Variants in DYNC2H1 observed in about 807,000 individuals in gnomAD.
DYNC2H1 encodes cytoplasmic dynein 2 heavy chain 1.
DYNC2H1 carries 410 observed loss-of-function variants against 570.0 expected under a neutral mutation model. The ratio of observed to expected loss-of-function variants is 0.72; its 90% CI spans 0.66 to 0.78. The LOEUF is 0.78. Ranked by LOEUF, DYNC2H1 falls within the 30% of genes least tolerant of loss-of-function variation. The pLI is 0.00. For missense variants in DYNC2H1, 4,865 were observed against 5,046.4 expected, an observed-to-expected ratio of 0.96 and a Z score of 1.09; for synonymous variants, 1,688 against 1,677.6, an observed-to-expected ratio of 1.01 and a Z score of -0.15.
intron 55 of DYNC2H1, among the ~76,000 whole-genome samples, chr11:103,219,386 G>A (rs192449508): frequency 6.6e-6 from 1 of 152,206 alleles, no homozygotes; most frequent in Non-Finnish European, 1.5e-5. Context: ...GGCTGAGGTG[G>A]GTGGGTCACA....
intron 82 of DYNC2H1, among the ~76,000 whole-genome samples, chr11:103,357,963 T>C (rs893480010): frequency 1.3e-5 from 2 of 152,022 alleles, no homozygotes. Flanking sequence ...AAAATCCAAA[T>C]AACAACAACA....
intron 85 of DYNC2H1, 46 bp from the exon 86 acceptor site, chr11:103,455,140 T>G: frequency 7.0e-7 from 1 of 1,427,374 alleles, no homozygotes; most frequent in Non-Finnish European, 9.8e-7. Flanking sequence ...TTTAATTGAC[T>G]TATAAGTGTG....
At chr11:103,309,137 G>C (rs1200607904) in intron 78 of DYNC2H1, among the ~76,000 whole-genome samples, 1 of 130,682 alleles carries the variant, frequency 7.7e-6, no homozygotes, top group Non-Finnish European at 1.7e-5. Context: ...TATTAAAACT[G>C]TCATTTTATT....
chr11:103,423,421 A>C (rs200025805), intron 84 of DYNC2H1, among the ~76,000 whole-genome samples: 1 of 30,220 alleles, frequency 3.3e-5, no homozygotes. Flanking sequence ...AAAAAAAAAA[A>C]AAAAAAAAAA....
intron 63 of DYNC2H1, among the ~76,000 whole-genome samples, chr11:103,238,054 G>A (rs1225233766): frequency 6.6e-6 from 1 of 151,972 alleles, no homozygotes; most frequent in Non-Finnish European, 1.5e-5. Flanking sequence ...TTGCTGTTAT[G>A]GTCGACACTC....
chr11:103,283,928 G>A lies in DYNC2H1; in HGVS notation c.10890+843G>A, dbSNP rs548694972. Among the ~76,000 whole-genome samples the A allele has an allele frequency of 4.1e-4, 62 of 151,940 alleles. 1 individual carries two copies. The highest frequency in any genetic ancestry group is 1.5e-3 in the Admixed American group (23 of 15,254). On this transcript the variant is annotated intron_variant, in intron 73 of 88. Transcript: ENST00000375735. ...GGTGCTTACTACCAGTTGGCATAAT[G>A]CTAGTGACAGTCTTTACTTGACCAA...
Position 103,255,510 on chromosome 11 carries a change from C to T in DYNC2H1, c.10302C>T (p.Ala3434=). The part of the protein sequence containing the change: ...QQEEDKKIQL[A]KLEESLLETL... ...AAGAAGATAAGAAAATACAGCTAGC[C>T]AAGCTCGAAGAATCTCTTCTAGAGG... is the stretch of plus-strand genomic sequence containing the variant. The change falls in exon 67 of 89, where the codon GCC becomes GCT. Residue 3434 remains alanine (A), a synonymous_variant. Coordinates refer to ENST00000375735, the MANE Select transcript of DYNC2H1 (RefSeq NM_001377.3). 6.4e-7 allele frequency: 1 copy of T among 1,557,136 alleles called. No homozygotes were observed.
rs1007509712 is a variant in DYNC2H1, at chr11:103,244,663, A to G, written c.9919-588A>G. Among the ~76,000 whole-genome samples the G allele has an allele frequency of 1.5e-4, 22 of 148,366 alleles. No individual in the cohort carries two copies. Among genetic ancestry groups the G allele is most frequent in the Admixed American group, 1.4e-3 (21 of 14,756 alleles). On this transcript the variant is annotated intron_variant, in intron 64 of 88. Coordinates refer to ENST00000375735, the MANE Select transcript of DYNC2H1 (RefSeq NM_001377.3). This position sits in a 1 kb window ranked among gnomAD's most constrained non-coding sequence, Gnocchi z 4.3. ...ATATCTCTATATAGTTATATACATTATAAGTACTATATATCTATGGTTATA... is the reference window on the plus strand; with the variant it reads ...ATATCTCTATATAGTTATATACATTGTAAGTACTATATATCTATGGTTATA...
Position 103,177,815 on chromosome 11 carries a change from C to T in DYNC2H1, c.6134C>T (p.Pro2045Leu), listed in dbSNP as rs1183318030. 6.2e-7 allele frequency: 1 copy of T among 1,608,914 alleles called. No individual in the cohort carries two copies. Among genetic ancestry groups the T allele is most frequent in the Non-Finnish European group, 8.5e-7 (1 of 1,178,138 alleles). Residue 2045 changes from proline to leucine, a missense_variant, in exon 38 of 89, where the codon CCT (proline) becomes CTT (leucine). Physicochemically the swap from Pro to Leu is moderately conservative, Grantham distance 98. Around this residue, in one of 5 missense-constraint regions of DYNC2H1, gnomAD observed 231 missense variants for 310.3 expected, o/e 0.74. Coordinates refer to ENST00000375735, the MANE Select transcript of DYNC2H1 (RefSeq NM_001377.3). The surrounding 1 kb of genome is among the most constrained non-coding windows in gnomAD (Gnocchi z 4.4). ...AGTGCTCGTCAAGTGGTTCGGGAAC[C>T]TCAAGGTTAGTCTCTATGTATACTT... ...TNSARQVVRE[P>L]QDVSSWIICD...
At position 103,127,748 on chromosome 11, in the gene DYNC2H1, G is replaced by A. The variant is rs180849509; in HGVS notation, c.1858-1162G>A. Among the ~76,000 whole-genome samples the A allele has an allele frequency of 1.3e-3, 201 of 152,258 alleles. 1 individual carries two copies. The highest frequency in any genetic ancestry group is 4.7e-3 in the African/African-American group (197 of 41,552). ...CCTTTGTCCAACACTGTTCCTTGTA[G>A]GATCTGTATTTATTAATTAATTCAA... On this transcript the variant is annotated intron_variant, in intron 12 of 88. Transcript: ENST00000375735.
intron 87 of DYNC2H1, among the ~76,000 whole-genome samples, chr11:103,464,321 A>G (rs1289949964): frequency 6.6e-6 from 1 of 151,270 alleles, no homozygotes; most frequent in Non-Finnish European, 1.5e-5. Context: ...TACATTAGAT[A>G]TGATTGAAGA....
chr11:103,316,584 C>A lies in DYNC2H1; in HGVS notation c.11689C>A (p.Arg3897=). 1.3e-6 allele frequency: 2 copies of A among 1,559,870 alleles called. No homozygotes were observed. Among genetic ancestry groups the A allele is most frequent in the Non-Finnish European group, 1.7e-6 (2 of 1,153,648 alleles). The change falls in exon 80 of 89, where the codon CGG becomes AGG. Residue 3897 remains arginine, a synonymous_variant. Transcript: ENST00000375735. ...TTATGAATTTTCTTTATCAGATCTT[C>A]GGGCTGGGTACAACATTATTGACAG... ...KFYEFSLSDL[R]AGYNIIDRLF... is the part of the protein sequence containing the mutation.
intron 83 of DYNC2H1, among the ~76,000 whole-genome samples, chr11:103,389,926 C>T (rs1477322102): frequency 2.0e-5 from 3 of 152,086 alleles, no homozygotes; most frequent in Non-Finnish European, 4.4e-5. Flanking sequence ...ACTATGTGGT[C>T]AATTTTGGAA....
In DYNC2H1 at chr11:103,236,151, C is replaced by T. The variant is rs77045257; in HGVS notation, c.9710-279C>T. Among the ~76,000 whole-genome samples the T allele has an allele frequency of 1.1e-3, 167 of 151,980 alleles. 2 individuals are homozygous for T. The East Asian group carries it at 0.031, about 28-fold the overall frequency. On this transcript the variant is annotated intron_variant, in intron 62 of 88. Transcript: ENST00000375735. ...TATTTCATAGGCTGAGATGCAAGAA[C>T]TTTAAAATTCTTTGTGATGTTAGTG... is the stretch of plus-strand genomic sequence containing the variant.
chr11:103,346,549 C>T (rs1051658658), intron 82 of DYNC2H1, among the ~76,000 whole-genome samples: 1 of 152,084 alleles, frequency 6.6e-6, no homozygotes, highest in Non-Finnish European at 1.5e-5. Context: ...TATCACCAGT[C>T]TGTTTCATTT....
At chr11:103,290,383 G>T (rs566052753) in intron 75 of DYNC2H1, among the ~76,000 whole-genome samples, 6 of 152,166 alleles carry the variant, frequency 3.9e-5, no homozygotes, top group African/African-American at 1.4e-4. Context: ...TTATGCAGGG[G>T]GAGGAAATGT....
In DYNC2H1 at chr11:103,322,070, A is replaced by C. The variant is rs1050309005; in HGVS notation, c.11934+833A>C. Among the ~76,000 whole-genome samples, 12 of 152,216 alleles carry C rather than the reference A, an allele frequency of 7.9e-5. No individual in the cohort carries two copies. The Middle Eastern group carries it at 0.01, about 129-fold the overall frequency. ...ATATATTACTCTTACTGACTATCTT[A>C]CTTATTACCTTAAGTATGCTGTTTT... On this transcript the variant is annotated intron_variant, in intron 81 of 88. Coordinates refer to ENST00000375735, the MANE Select transcript of DYNC2H1 (RefSeq NM_001377.3).
rs1866088683 is a variant in DYNC2H1, at chr11:103,280,514, A to G, written c.10761+101A>G. 9.8e-7 allele frequency: 1 copy of G among 1,023,556 alleles called. No homozygotes were observed. The highest frequency in any genetic ancestry group is 1.5e-6 in the Non-Finnish European group (1 of 683,638). The allele number at this position is 1,023,556 out of a possible 1,614,324, so 63.4% of individuals were successfully genotyped here. ...AAATTATTTAGGCTAGAAATTATAT[A>G]TCAACCTATTAATCTTTTACTAAGT... On this transcript the variant is annotated intron_variant, in intron 71 of 88. Transcript: ENST00000375735. This position sits in a 1 kb window ranked among gnomAD's most constrained non-coding sequence, Gnocchi z 4.7.
At chr11:103,362,172 G>A (rs1016078172) in intron 83 of DYNC2H1, among the ~76,000 whole-genome samples, 5 of 152,138 alleles carry the variant, frequency 3.3e-5, no homozygotes, top group Admixed American at 6.5e-5. Context: ...TTAGGCTAAT[G>A]AGAAAGATCC....
Sources: allele counts gnomAD v4.1 joint callset (sites outside exome capture counted in the v4.1 genomes callset), GRCh38; gene constraint gnomAD v4.1.1; regional missense constraint gnomAD v4.1.1; non-coding constraint Gnocchi (gnomAD v3.1); transcripts MANE v1.5; gene names NCBI Gene and HGNC (gene_info 2026-07-23, HGNC 2026-07-21).